Variants in ACOXL observed in about 807,000 individuals in gnomAD.
ACOXL encodes the protein acyl-coenzyme A oxidase-like protein.
In ACOXL, 70 loss-of-function variants were observed where a neutral mutation model predicts 71.9. That is an observed-to-expected ratio of 0.97 (90% CI 0.80 to 1.19). The LOEUF (loss-of-function observed/expected upper bound fraction) is 1.19. Among genes scored for constraint, ACOXL ranks in the 50% most tolerant of loss-of-function variants. The pLI is 0.00. For missense variants in ACOXL, 703 were observed against 736.3 expected (o/e 0.95, Z 0.52); for synonymous variants, 253 against 281.6 (o/e 0.90, Z 1.02).
chr2:110,764,049 G>A (rs1455277402), intron 1 of ACOXL, among the ~76,000 whole-genome samples: 1 of 152,136 alleles, frequency 6.6e-6, no homozygotes, highest in East Asian at 1.9e-4. Context: ...AACACTAAAT[G>A]CTGACAACAA....
At chr2:110,912,082 G>T (rs944913546) in intron 11 of ACOXL, among the ~76,000 whole-genome samples, 22 of 151,832 alleles carry the variant, frequency 1.4e-4, no homozygotes, top group African/African-American at 5.3e-4. Context: ...AAATCAAAAA[G>T]AATAAAATAC....
chr2:111,031,212 T>C (rs2065248764), intron 14 of ACOXL, among the ~76,000 whole-genome samples: 1 of 152,178 alleles, frequency 6.6e-6, no homozygotes. Flanking sequence ...TGGAAACAAA[T>C]GGAAGCTCCT....
chr2:110,790,414 G>A (rs555425771), intron 3 of ACOXL, among the ~76,000 whole-genome samples: 4 of 152,086 alleles, frequency 2.6e-5, no homozygotes, highest in Non-Finnish European at 4.4e-5. Context: ...CTCACACTGT[G>A]GCCTCTGGAA....
intron 12 of ACOXL, chr2:110,968,599 C>T (rs1166554344): frequency 1.1e-6 from 1 of 916,444 alleles, no homozygotes; most frequent in African/African-American, 1.7e-5. Flanking sequence ...AAAAGAAGCC[C>T]AAGAAAGAAG....
chr2:110,788,519 GT>G (rs1005213315), intron 3 of ACOXL, among the ~76,000 whole-genome samples: 6 of 151,476 alleles, frequency 4.0e-5, no homozygotes, highest in African/African-American at 1.2e-4. Flanking sequence ...TGGGTACAGA[GT>G]TTTTTTTTGG....
At chr2:110,866,819 C>T (rs1231905189) in intron 10 of ACOXL, among the ~76,000 whole-genome samples, 14 of 152,166 alleles carry the variant, frequency 9.2e-5, no homozygotes, top group Non-Finnish European at 1.9e-4. Flanking sequence ...TGAGCATAAA[C>T]GATGCCCCAA....
At chr2:110,757,019 C>G (rs1679791110) in intron 1 of ACOXL, among the ~76,000 whole-genome samples, 1 of 152,224 alleles carries the variant, frequency 6.6e-6, no homozygotes, top group East Asian at 1.9e-4. Context: ...AGCCCAGCAT[C>G]CATTAGCTAT....
intron 5 of ACOXL, among the ~76,000 whole-genome samples, chr2:110,796,438 T>TG (rs1685290103): frequency 6.6e-6 from 1 of 152,240 alleles, no homozygotes; most frequent in Non-Finnish European, 1.5e-5. Flanking sequence ...GTTATTTAGA[T>TG]GCAGCTTTAA....
intron 3 of ACOXL, among the ~76,000 whole-genome samples, chr2:110,791,321 G>A (rs1420825927): frequency 6.6e-6 from 1 of 152,132 alleles, no homozygotes; most frequent in Non-Finnish European, 1.5e-5. Context: ...TTCAAAATGT[G>A]GATAAAACAC....
intron 12 of ACOXL, among the ~76,000 whole-genome samples, chr2:110,935,047 G>A (rs1011583430): frequency 7.9e-5 from 12 of 152,084 alleles, no homozygotes; most frequent in African/African-American, 2.9e-4. Context: ...AGCAGGCTGG[G>A]AGCAGCTGGG....
In ACOXL at chr2:111,013,522, C is replaced by CAA. The variant is rs56905916; in HGVS notation, c.1281+17540_1281+17541dup. 2.7e-3 allele frequency among the ~76,000 whole-genome samples: 252 copies of CAA among 94,934 alleles called. 3 individuals are homozygous for CAA. The highest frequency in any genetic ancestry group is 3.8e-3 in the South Asian group (10 of 2,654). 62.3% of individuals were successfully genotyped at this position (94,934 alleles called of 152,430 possible). A position where few individuals can be genotyped will look rare whatever the true frequency, so the allele number is the denominator to read the frequency against. ...TGGGTGACAGAGGGAGACCCTGTCT[C>CAA]AAAAAAAAAAAAAAAAAAAAAAAGA... On this transcript the variant is annotated intron_variant, in intron 14 of 17. Coordinates refer to ENST00000439055, the MANE Select transcript of ACOXL (RefSeq NM_001142807.4).
intron 3 of ACOXL, among the ~76,000 whole-genome samples, chr2:110,792,663 G>A (rs1222551200): frequency 2.0e-5 from 3 of 152,142 alleles, no homozygotes; most frequent in African/African-American, 7.2e-5. Context: ...GTGGTAGTGT[G>A]TGCCTGTAGT....
At chr2:111,046,509 C>T (rs1480615541) in intron 15 of ACOXL, among the ~76,000 whole-genome samples, 1 of 152,164 alleles carries the variant, frequency 6.6e-6, no homozygotes, top group Non-Finnish European at 1.5e-5. Flanking sequence ...AAGAAACTTA[C>T]AATCATGGCA....
chr2:111,022,647 C>T (rs1302420858), intron 14 of ACOXL, among the ~76,000 whole-genome samples: 2 of 152,058 alleles, frequency 1.3e-5, no homozygotes, highest in African/African-American at 4.8e-5. Flanking sequence ...CGTGTTCTGC[C>T]CACATCAGCC....
chr2:110,820,393 A>C (rs925147727), intron 9 of ACOXL, among the ~76,000 whole-genome samples: 2 of 152,168 alleles, frequency 1.3e-5, no homozygotes, highest in African/African-American at 4.8e-5. Context: ...CCTGAAACCA[A>C]AGCAAGTATT....
At chr2:110,758,746 T>A (rs539257658) in intron 1 of ACOXL, among the ~76,000 whole-genome samples, 2 of 152,216 alleles carry the variant, frequency 1.3e-5, no homozygotes, top group Admixed American at 6.5e-5. Flanking sequence ...CTTGGTTCTC[T>A]TGTTCTTTTA....
At chr2:111,030,241 A>G (rs942848990) in intron 14 of ACOXL, among the ~76,000 whole-genome samples, 2 of 152,296 alleles carry the variant, frequency 1.3e-5, no homozygotes, top group East Asian at 1.9e-4. Flanking sequence ...TCCTTCCAGA[A>G]CTTCCAGAAG....
At chr2:111,053,908 A>G (rs1407909838) in intron 16 of ACOXL, among the ~76,000 whole-genome samples, 1 of 152,226 alleles carries the variant, frequency 6.6e-6, no homozygotes, top group African/African-American at 2.4e-5. Flanking sequence ...CCTTGCTGGT[A>G]AATGCTTCTG....
rs565090435 is a variant in ACOXL, at chr2:110,843,970, G to A, written c.788+2565G>A. 1.8e-4 allele frequency among the ~76,000 whole-genome samples: 27 copies of A among 152,348 alleles called. No homozygotes were observed. In the South Asian group the frequency reaches 3.9e-3, roughly 22 times the overall value. On this transcript the variant is annotated intron_variant, in intron 10 of 17. Transcript: ENST00000439055. ...GCAAGGTCCAAGGTCCTTCACCATC[G>A]ACCTTGGGATCTGGGGACCAGGGAG...
Sources: allele counts gnomAD v4.1 joint callset (sites outside exome capture counted in the v4.1 genomes callset), GRCh38; gene constraint gnomAD v4.1.1; transcripts MANE v1.5; gene names NCBI Gene and HGNC (gene_info 2026-07-23, HGNC 2026-07-21).